Variants in PCDHGB6 observed in about 807,000 individuals in gnomAD.
The protein encoded by PCDHGB6 is protocadherin gamma subfamily B, 6, also known as protocadherin gamma-B6.
PCDHGB6 carries 51 observed loss-of-function variants against 59.1 expected under a neutral mutation model. The observed-to-expected ratio is 0.86, with a 90% CI of 0.69 to 1.09. PCDHGB6 has a LOEUF of 1.09. PCDHGB6 is among the 50% of genes least tolerant of loss of function. The pLI is 0.00. For missense variants in PCDHGB6, 1,148 were observed against 1,205.1 expected (o/e 0.95, Z 0.70); for synonymous variants, 466 against 495.1 (o/e 0.94, Z 0.78).
chr5:141,420,042 A>T, intron 1 of PCDHGB6: 2 of 1,614,048 alleles, frequency 1.2e-6, no homozygotes, highest in Non-Finnish European at 8.5e-7. Context: ...GACTGCTTTG[A>T]GTCAGTTCTC....
chr5:141,470,915 C>A (rs2099244061), intron 1 of PCDHGB6, among the ~76,000 whole-genome samples: 1 of 152,010 alleles, frequency 6.6e-6, no homozygotes, highest in Non-Finnish European at 1.5e-5. Flanking sequence ...GGGACTGTCC[C>A]TATGTTGCTC....
intron 1 of PCDHGB6, chr5:141,414,139 G>T: frequency 6.3e-7 from 1 of 1,596,506 alleles, no homozygotes; most frequent in Non-Finnish European, 8.5e-7. Flanking sequence ...CTATGAAATA[G>T]AAATACAAGC....
chr5:141,508,183 A>G (rs1596134418), intron 3 of PCDHGB6: 1 of 152,336 alleles, frequency 6.6e-6, no homozygotes, highest in African/African-American at 2.4e-5. Context: ...GAGAGAAGGC[A>G]TCACCCCCAC....
At chr5:141,450,995 T>G (rs983544118) in intron 1 of PCDHGB6, among the ~76,000 whole-genome samples, 3 of 151,510 alleles carry the variant, frequency 2.0e-5, no homozygotes, top group Non-Finnish European at 4.4e-5. Context: ...CGGCTAATTT[T>G]TTTGTATTTT....
At chr5:141,494,455 G>A (rs906714175) in intron 1 of PCDHGB6, among the ~76,000 whole-genome samples, 2 of 152,156 alleles carry the variant, frequency 1.3e-5, no homozygotes, top group African/African-American at 4.8e-5. Flanking sequence ...AGGGGGCTTT[G>A]TCTGCACCTC....
intron 1 of PCDHGB6, chr5:141,415,060 G>C (rs1428839232): frequency 1.2e-6 from 2 of 1,613,426 alleles, no homozygotes; most frequent in Admixed American, 1.7e-5. Flanking sequence ...GCACACGGGC[G>C]AGGTGCGCAC....
intron 1 of PCDHGB6, chr5:141,422,609 A>G: frequency 6.2e-7 from 1 of 1,613,882 alleles, no homozygotes; most frequent in Non-Finnish European, 8.5e-7. Context: ...TACTCTGCCT[A>G]CATTCCCGAA....
chr5:141,479,329 G>A (rs2099493017), intron 1 of PCDHGB6: 1 of 152,490 alleles, frequency 6.6e-6, no homozygotes, highest in African/African-American at 2.4e-5. Context: ...AGACTCAGTG[G>A]TGTGCACCTG....
intron 1 of PCDHGB6, chr5:141,418,539 A>C (rs984639830): frequency 6.2e-7 from 1 of 1,614,034 alleles, no homozygotes; most frequent in East Asian, 2.2e-5. Flanking sequence ...GGTACTGCTC[A>C]GATAAGAATC....
intron 1 of PCDHGB6, chr5:141,423,195 G>A: frequency 1.2e-6 from 2 of 1,613,544 alleles, no homozygotes; most frequent in Non-Finnish European, 8.5e-7. Flanking sequence ...CCCCTCTCTC[G>A]GCCACCGTCA....
intron 1 of PCDHGB6, among the ~76,000 whole-genome samples, chr5:141,445,531 C>A (rs1476079791): frequency 6.6e-6 from 1 of 152,136 alleles, no homozygotes; most frequent in Non-Finnish European, 1.5e-5. Flanking sequence ...TGATAAAAGC[C>A]AACAAGGAGA....
chr5:141,427,616 C>T (rs922511046), intron 1 of PCDHGB6: 1 of 693,880 alleles, frequency 1.4e-6, no homozygotes, highest in Non-Finnish European at 2.6e-6. Context: ...GTGAAGTCAA[C>T]GACAATGCTC....
intron 3 of PCDHGB6, among the ~76,000 whole-genome samples, chr5:141,510,369 C>G (rs1403924479): frequency 7.1e-6 from 1 of 140,308 alleles, no homozygotes; most frequent in Non-Finnish European, 1.6e-5. Context: ...TACCGAATCT[C>G]TACTCGTGCC....
chr5:141,409,750 G>T lies in PCDHGB6; in HGVS notation c.1548G>T (p.Ala516=). ...GCGCGCAGAGCGGGGTGGTGTTCGC[G>T]CAGCGCGCCTTTGATCACGAGCAGC... The part of the protein sequence containing the change: ...SVSAQSGVVF[A]QRAFDHEQLR... The change falls in exon 1 of 4, where the codon GCG becomes GCT. Residue 516 remains alanine (A), a synonymous_variant. Transcript: ENST00000520790. 6.2e-7 allele frequency: 1 copy of T among 1,613,016 alleles called. No individual in the cohort carries two copies. The highest frequency in any genetic ancestry group is 1.1e-5 in the South Asian group (1 of 91,060).
At chr5:141,427,780 T>C (rs2097069858) in intron 1 of PCDHGB6, 1 of 1,456,004 alleles carries the variant, frequency 6.9e-7, no homozygotes. Flanking sequence ...CTGCGGGCAC[T>C]GTCGTCCTAC....
At position 141,477,532 on chromosome 5, in the gene PCDHGB6, CG is replaced by C; in HGVS notation, c.2419-17271del. 6.2e-7 allele frequency: 1 copy of C among 1,614,146 alleles called. No individual in the cohort carries two copies. The highest frequency in any genetic ancestry group is 8.5e-7 in the Non-Finnish European group (1 of 1,180,028). Reference sequence around the variant, plus strand: ...TTTACATTGAAGAAAACAACCTCCCCGGGGCTCCAATACTAAACCTAAGTGT... The same window carrying C: ...TTTACATTGAAGAAAACAACCTCCCCGGGCTCCAATACTAAACCTAAGTGT... On this transcript the variant is annotated intron_variant, in intron 1 of 3. Transcript: ENST00000520790. This position sits in a 1 kb window ranked among gnomAD's most constrained non-coding sequence, Gnocchi z 4.9.
chr5:141,460,726 A>G lies in PCDHGB6; in HGVS notation c.2419-34081A>G, dbSNP rs545089217. ...GAGAATAAACTATTGTTATAAGCAT[A>G]TATACACATTGTATATATATGTGTA... On this transcript the variant is annotated intron_variant, in intron 1 of 3. Coordinates refer to ENST00000520790, the MANE Select transcript of PCDHGB6 (RefSeq NM_018926.3). Among the ~76,000 whole-genome samples the G allele has an allele frequency of 6.6e-5, 10 of 152,252 alleles. No homozygotes were observed. In the East Asian group the frequency reaches 1.9e-3, roughly 29 times the overall value.
At chr5:141,482,901 A>T (rs192886570) in intron 1 of PCDHGB6, among the ~76,000 whole-genome samples, 2 of 152,240 alleles carry the variant, frequency 1.3e-5, no homozygotes, top group African/African-American at 4.8e-5. Flanking sequence ...GTGAAACCTC[A>T]TCTCTATTAA....
chr5:141,461,072 A>G (rs555905734), intron 1 of PCDHGB6, among the ~76,000 whole-genome samples: 2 of 151,574 alleles, frequency 1.3e-5, no homozygotes, highest in Non-Finnish European at 2.9e-5. Flanking sequence ...ACATTTTTGC[A>G]ATTGTGAATT....
Sources: gnomAD v4.1 joint callset for allele counts (sites outside exome capture counted in the v4.1 genomes callset) on GRCh38, gnomAD v4.1.1 for gene constraint, Gnocchi (gnomAD v3.1) non-coding constraint, MANE v1.5 for transcripts, NCBI Gene and HGNC (gene_info 2026-07-23, HGNC 2026-07-21) for gene names.